The following MCC variants were observed in gnomAD, a reference collection of about 807,000 sequenced individuals.
MCC encodes the protein MCC regulator of Wnt signaling pathway.
MCC carries 90 observed loss-of-function variants against 116.2 expected under a neutral mutation model. That is an observed-to-expected ratio of 0.77 (90% CI 0.65 to 0.92). MCC has a LOEUF of 0.92. Among genes scored for constraint, MCC ranks in the 40% least tolerant of loss-of-function variants. The pLI is 0.00. For missense variants in MCC, 1,516 were observed against 1,312.2 expected, an observed-to-expected ratio of 1.16 and a Z score of -2.40; for synonymous variants, 578 against 510.5, an observed-to-expected ratio of 1.13 and a Z score of -1.78.
intron 11 of MCC, among the ~76,000 whole-genome samples, chr5:113,072,623 C>A (rs986514086): frequency 6.6e-6 from 1 of 152,276 alleles, no homozygotes; most frequent in East Asian, 1.9e-4. Flanking sequence ...CCTGCCCTAG[C>A]GGCTATTTCC....
intron 3 of MCC, among the ~76,000 whole-genome samples, chr5:113,214,625 C>A (rs916823473): frequency 2.0e-5 from 3 of 151,124 alleles, no homozygotes; most frequent in African/African-American, 7.3e-5. Context: ...AAGGCTTCTG[C>A]AGCTCTACAC....
chr5:113,106,444 T>C (rs1756737115), intron 6 of MCC, among the ~76,000 whole-genome samples: 1 of 152,150 alleles, frequency 6.6e-6, no homozygotes, highest in African/African-American at 2.4e-5. Context: ...CCTTCTTTTT[T>C]CCCCCTGGAA....
At chr5:113,417,033 G>A (rs1214063798) in intron 1 of MCC, among the ~76,000 whole-genome samples, 2 of 142,590 alleles carry the variant, frequency 1.4e-5, no homozygotes, top group African/African-American at 5.4e-5. Flanking sequence ...GCAGTGGCAC[G>A]ATCTCGGCTC....
At chr5:113,393,480 T>C (rs963455389) in intron 1 of MCC, among the ~76,000 whole-genome samples, 1 of 152,220 alleles carries the variant, frequency 6.6e-6, no homozygotes, top group African/African-American at 2.4e-5. Flanking sequence ...GGAACTTTTG[T>C]TCATCCTTAC....
chr5:113,217,061 CTA>C (rs1763349177), intron 3 of MCC, among the ~76,000 whole-genome samples: 1 of 152,226 alleles, frequency 6.6e-6, no homozygotes, highest in African/African-American at 2.4e-5. Flanking sequence ...GTCGTCTCAG[CTA>C]TGTTATAGCA....
intron 3 of MCC, among the ~76,000 whole-genome samples, chr5:113,243,405 C>T (rs1204394752): frequency 6.6e-6 from 1 of 152,182 alleles, no homozygotes; most frequent in Non-Finnish European, 1.5e-5. Context: ...CTGCCTTAAC[C>T]CTTCACACGT....
chr5:113,240,821 C>G (rs1050670917), intron 3 of MCC, among the ~76,000 whole-genome samples: 1 of 152,204 alleles, frequency 6.6e-6, no homozygotes, highest in Non-Finnish European at 1.5e-5. Context: ...GGCACAGCCT[C>G]AGGACCAGAG....
intron 5 of MCC, among the ~76,000 whole-genome samples, chr5:113,136,246 C>T (rs1386703487): frequency 6.6e-6 from 1 of 152,174 alleles, no homozygotes; most frequent in Non-Finnish European, 1.5e-5. Flanking sequence ...AGCATCTCAG[C>T]TGGTTAGAAT....
intron 4 of MCC, among the ~76,000 whole-genome samples, chr5:113,147,714 A>G (rs894458877): frequency 5.9e-5 from 9 of 152,206 alleles, no homozygotes; most frequent in Non-Finnish European, 1.0e-4. Flanking sequence ...CCAGCTAAAC[A>G]AAGAGGCACC....
rs920539417 is a variant in MCC at position 113,176,158 on chromosome 5, G to A, written c.628-24736C>T. 5.3e-5 allele frequency among the ~76,000 whole-genome samples: 8 copies of A among 152,102 alleles called. No homozygotes were observed. The South Asian group carries it at 1.7e-3, about 32-fold the overall frequency. ...TAATGGGTAAATGGCTTTGCCTTAG[G>A]ATTTCTTGCTGAGAAATAGCTCCTA... On this transcript the variant is annotated intron_variant, in intron 3 of 18. Coordinates refer to ENST00000408903, the MANE Select transcript of MCC (RefSeq NM_001085377.2).
At chr5:113,155,047 T>G (rs1760095026) in intron 3 of MCC, among the ~76,000 whole-genome samples, 1 of 152,172 alleles carries the variant, frequency 6.6e-6, no homozygotes, top group Non-Finnish European at 1.5e-5. Flanking sequence ...ATCCTCACAT[T>G]CTTCCCCACC....
rs553262715 is a variant in MCC at position 113,237,154 on chromosome 5, C to T, written c.628-85732G>A. 3.9e-5 allele frequency among the ~76,000 whole-genome samples: 6 copies of T among 152,244 alleles called. No homozygotes were observed. The East Asian group carries it at 1.2e-3, about 29-fold the overall frequency. ...GGAATAAATCATGGCGTATACAATC[C>T]ACTAAGTATCTTGCTTCTCAGGAGT... On this transcript the variant is annotated intron_variant, in intron 3 of 18. Coordinates refer to ENST00000408903, the MANE Select transcript of MCC (RefSeq NM_001085377.2).
intron 1 of MCC, among the ~76,000 whole-genome samples, chr5:113,388,896 C>T (rs1344521122): frequency 2.0e-5 from 3 of 152,160 alleles, no homozygotes; most frequent in African/African-American, 7.2e-5. Flanking sequence ...AGAGCTCTTG[C>T]CCTTTCCATG....
chr5:113,109,372 C>T (rs1478335801), intron 6 of MCC, among the ~76,000 whole-genome samples: 1 of 151,970 alleles, frequency 6.6e-6, no homozygotes, highest in African/African-American at 2.4e-5. Context: ...CAACATGAAC[C>T]CTGAAAACAT....
At chr5:113,319,957 C>A (rs984144156) in intron 3 of MCC, among the ~76,000 whole-genome samples, 3 of 152,148 alleles carry the variant, frequency 2.0e-5, no homozygotes, top group African/African-American at 4.8e-5. Flanking sequence ...TTATCCTGGG[C>A]TTCTCCTTAC....
chr5:113,310,604 A>G (rs993436201), intron 3 of MCC, among the ~76,000 whole-genome samples: 26 of 152,190 alleles, frequency 1.7e-4, no homozygotes, highest in Non-Finnish European at 1.3e-4. Context: ...GTTTCTTCAC[A>G]TAGTTCATAT....
intron 2 of MCC, among the ~76,000 whole-genome samples, chr5:113,343,406 C>G (rs560471201): frequency 6.6e-6 from 1 of 152,318 alleles, no homozygotes; most frequent in South Asian, 2.1e-4. Context: ...CTTTCCTTAA[C>G]ATAGACTGCC....
chr5:113,083,651 T>C (rs1366432695), intron 10 of MCC, among the ~76,000 whole-genome samples: 1 of 152,194 alleles, frequency 6.6e-6, no homozygotes, highest in Admixed American at 6.5e-5. Flanking sequence ...ACTCTGGAAC[T>C]AAAGTGAAGG....
chr5:113,056,707 G>T (rs1752860484), intron 14 of MCC, among the ~76,000 whole-genome samples: 1 of 151,978 alleles, frequency 6.6e-6, no homozygotes, highest in Non-Finnish European at 1.5e-5. Context: ...CCGTCCACAT[G>T]TACCCCTGAA....
Sources: allele counts gnomAD v4.1 joint callset (sites outside exome capture counted in the v4.1 genomes callset), GRCh38; gene constraint gnomAD v4.1.1; transcripts MANE v1.5; gene names NCBI Gene and HGNC (gene_info 2026-07-23, HGNC 2026-07-21).